DPYD: variants seen among roughly 807,000 people sequenced by gnomAD.
The protein encoded by DPYD is dihydropyrimidine dehydrogenase [NADP(+)].
A neutral mutation model predicts 116.2 loss-of-function variants in DPYD; 109 were observed. The observed-to-expected ratio is 0.94, with a 90% CI of 0.80 to 1.10. The LOEUF (loss-of-function observed/expected upper bound fraction) is 1.10, where lower values mean the gene tolerates loss of function less well. DPYD is among the 50% of genes least tolerant of loss of function. DPYD has a pLI of 0.00. For missense variants in DPYD, 1,302 were observed against 1,254.5 expected, an observed-to-expected ratio of 1.04 and a Z score of -0.57; for synonymous variants, 440 against 432.0, an observed-to-expected ratio of 1.02 and a Z score of -0.23.
chr1:97,860,526 C>A (rs1215774771), intron 2 of DPYD, among the ~76,000 whole-genome samples: 1 of 151,962 alleles, frequency 6.6e-6, no homozygotes, highest in Non-Finnish European at 1.5e-5. Context: ...GAATTATGCA[C>A]AAAGTAAAAA....
intron 2 of DPYD, among the ~76,000 whole-genome samples, chr1:97,875,608 T>A (rs1353242262): frequency 6.6e-6 from 1 of 152,022 alleles, no homozygotes; most frequent in African/African-American, 2.4e-5. Flanking sequence ...CTACAATATG[T>A]GTAAATGAGC....
At chr1:97,775,684 T>C (rs894614523) in intron 3 of DPYD, among the ~76,000 whole-genome samples, 2 of 152,200 alleles carry the variant, frequency 1.3e-5, no homozygotes, top group Admixed American at 6.6e-5. Context: ...TGTGTCCTAA[T>C]GTTTATAATC....
intron 16 of DPYD, among the ~76,000 whole-genome samples, chr1:97,336,186 C>T (rs919617380): frequency 1.3e-5 from 2 of 152,140 alleles, no homozygotes; most frequent in Non-Finnish European, 2.9e-5. Context: ...AGAAGAGATA[C>T]ATTTGAGCAA....
intron 14 of DPYD, among the ~76,000 whole-genome samples, chr1:97,416,310 T>C (rs939109700): frequency 1.3e-5 from 2 of 152,210 alleles, no homozygotes; most frequent in Non-Finnish European, 2.9e-5. Context: ...TACAGAAATT[T>C]ATAGTCTTGT....
chr1:97,150,281 TAA>T (rs1654923225), intron 20 of DPYD, among the ~76,000 whole-genome samples: 1 of 150,194 alleles, frequency 6.7e-6, no homozygotes, highest in African/African-American at 2.5e-5. Flanking sequence ...AAAAAAAAAC[TAA>T]AATAGTTTCT....
intron 8 of DPYD, among the ~76,000 whole-genome samples, chr1:97,649,241 A>T (rs906246305): frequency 6.6e-6 from 1 of 152,112 alleles, no homozygotes; most frequent in Non-Finnish European, 1.5e-5. Context: ...AAATACTAAA[A>T]ATCAATTTAA....
rs146440035 is a variant in DPYD at position 97,208,959 on chromosome 1, G to GGT, written c.2443-15713_2443-15712dup. Reference sequence around the variant, plus strand: ...TGAATGTGCAACTGGTGTCTTCTGAGGTGTGTGTGTGTGTGTTCCATATTG... The same window carrying GGT: ...TGAATGTGCAACTGGTGTCTTCTGAGGTGTGTGTGTGTGTGTGTTCCATATTG... On this transcript the variant is annotated intron_variant, in intron 19 of 22. Transcript: ENST00000370192. Among the ~76,000 whole-genome samples the GGT allele has an allele frequency of 4.5e-3, 687 of 151,702 alleles. 4 individuals carry two copies. The highest frequency in any genetic ancestry group is 0.015 in the African/African-American group (616 of 41,416).
At chr1:97,536,514 G>T (rs1406663833) in intron 12 of DPYD, among the ~76,000 whole-genome samples, 1 of 152,190 alleles carries the variant, frequency 6.6e-6, no homozygotes, top group Non-Finnish European at 1.5e-5. Flanking sequence ...CTGTTGATAA[G>T]ATTGTTTTTA....
At chr1:97,463,168 C>A (rs1378933285) in intron 13 of DPYD, among the ~76,000 whole-genome samples, 1 of 152,138 alleles carries the variant, frequency 6.6e-6, no homozygotes, top group Non-Finnish European at 1.5e-5. Flanking sequence ...TGTGTCTTCA[C>A]CCAAATCTCA....
chr1:97,574,462 ACT>A (rs1222627051), intron 10 of DPYD, among the ~76,000 whole-genome samples: 1 of 152,028 alleles, frequency 6.6e-6, no homozygotes, highest in African/African-American at 2.4e-5. Context: ...GACTAGAGAA[ACT>A]CTGTAGAACT....
chr1:97,537,472 T>C (rs895963485), intron 12 of DPYD, among the ~76,000 whole-genome samples: 1 of 152,160 alleles, frequency 6.6e-6, no homozygotes, highest in African/African-American at 2.4e-5. Flanking sequence ...AAATTGTTAA[T>C]AAAATGACAG....
intron 8 of DPYD, among the ~76,000 whole-genome samples, chr1:97,633,702 T>C (rs1657403997): frequency 1.3e-5 from 2 of 152,068 alleles, no homozygotes; most frequent in South Asian, 4.1e-4. Flanking sequence ...TTTACATGGA[T>C]AGGAATTCAC....
At chr1:97,322,215 C>A (rs1234355543) in intron 16 of DPYD, among the ~76,000 whole-genome samples, 1 of 147,986 alleles carries the variant, frequency 6.8e-6, no homozygotes, top group Non-Finnish European at 1.5e-5. Context: ...GCACATGTAC[C>A]CTAAAACTTA....
In DPYD at chr1:97,375,156, A is replaced by G. The variant is rs111975896; in HGVS notation, c.1975-1512T>C. Among the ~76,000 whole-genome samples, 1,210 of 152,222 alleles carry G rather than the reference A, an allele frequency of 7.9e-3. 18 individuals carry two copies. The highest frequency in any genetic ancestry group is 0.028 in the African/African-American group (1,151 of 41,540). On this transcript the variant is annotated intron_variant, in intron 15 of 22. Coordinates refer to ENST00000370192, the MANE Select transcript of DPYD (RefSeq NM_000110.4). ...CCAGTGCCGCGGTTTATTTTTCGGT[A>G]AGGCCAACTAGAAGCTTGAATTGGT...
At chr1:97,611,723 T>C (rs1370735390) in intron 8 of DPYD, among the ~76,000 whole-genome samples, 2 of 152,000 alleles carry the variant, frequency 1.3e-5, no homozygotes, top group African/African-American at 4.8e-5. Context: ...GCAAGTTAGC[T>C]TACCATCTTT....
intron 18 of DPYD, among the ~76,000 whole-genome samples, chr1:97,292,722 G>GCACACACACACA (rs71765073): frequency 7.3e-5 from 11 of 149,822 alleles, no homozygotes; most frequent in Non-Finnish European, 1.5e-4. Flanking sequence ...ACACGCGCGA[G>GCACACACACACA]CACACACACA....
chr1:97,597,678 C>T (rs1039076535), intron 8 of DPYD, among the ~76,000 whole-genome samples: 1 of 152,158 alleles, frequency 6.6e-6, no homozygotes, highest in African/African-American at 2.4e-5. Context: ...GCCTTAAGAA[C>T]AAAATTGTGG....
chr1:97,648,616 C>T (rs940029791), intron 8 of DPYD, among the ~76,000 whole-genome samples: 13 of 151,854 alleles, frequency 8.6e-5, no homozygotes, highest in East Asian at 1.9e-4. Flanking sequence ...TATAAAGACA[C>T]GCAGTTTTAT....
chr1:97,612,368 G>T (rs1052514675), intron 8 of DPYD, among the ~76,000 whole-genome samples: 11 of 151,436 alleles, frequency 7.3e-5, no homozygotes, highest in African/African-American at 2.2e-4. Flanking sequence ...CACACAAGTG[G>T]GTCTAAAATA....
Sources: gnomAD v4.1 joint callset for allele counts (sites outside exome capture counted in the v4.1 genomes callset) on GRCh38, gnomAD v4.1.1 for gene constraint, MANE v1.5 for transcripts, NCBI Gene and HGNC (gene_info 2026-07-23, HGNC 2026-07-21) for gene names.